Variants in CENPW observed in about 807,000 individuals in gnomAD.
CENPW encodes the protein centromere protein W, also known as cancer-up-regulated gene 2 protein.
A neutral mutation model predicts 11.1 loss-of-function variants in CENPW; 3 were observed. The ratio of observed to expected loss-of-function variants is 0.27; its 90% confidence interval spans 0.12 to 0.70. The LOEUF is 0.70. Among genes scored for constraint, CENPW ranks in the 30% least tolerant of loss-of-function variants. The pLI is 0.77. For missense variants in CENPW, 100 were observed against 105.6 expected (o/e 0.95, Z 0.23); for synonymous variants, 38 against 42.0 (o/e 0.91, Z 0.37).
the CENPW span, among the ~76,000 whole-genome samples, chr6:126,432,424 C>G: frequency 6.6e-6 from 1 of 152,214 alleles, no homozygotes; most frequent in African/African-American, 2.4e-5. Flanking sequence ...GCTACCCCCT[C>G]TCTAGGGGTA....
chr6:126,369,888 T>C, the CENPW span, among the ~76,000 whole-genome samples: 10 of 152,348 alleles, frequency 6.6e-5, no homozygotes, highest in East Asian at 1.9e-3. Flanking sequence ...TGTTATCTTC[T>C]AGAATTTTTA....
At chr6:126,363,889 G>A in the CENPW span, among the ~76,000 whole-genome samples, 1 of 152,172 alleles carries the variant, frequency 6.6e-6, no homozygotes, top group African/African-American at 2.4e-5. Flanking sequence ...TGAATTTAGT[G>A]TGCAGATAAC....
At chr6:126,369,538 G>A in the CENPW span, among the ~76,000 whole-genome samples, 5 of 152,302 alleles carry the variant, frequency 3.3e-5, no homozygotes, top group African/African-American at 9.6e-5. Context: ...TAGTGATGTT[G>A]AGCATTGTTT....
chr6:126,386,682 T>G, the CENPW span, among the ~76,000 whole-genome samples: 1,107 of 133,788 alleles, frequency 8.3e-3, 14 homozygotes, highest in African/African-American at 0.026. Flanking sequence ...AAATAATTTA[T>G]TTTTTTATTC....
At chr6:126,373,144 T>C in the CENPW span, among the ~76,000 whole-genome samples, 10 of 152,334 alleles carry the variant, frequency 6.6e-5, no homozygotes, top group African/African-American at 2.4e-4. Context: ...TGTAAATGAT[T>C]TTGTAACAAA....
At chr6:126,378,088 T>C in the CENPW span, among the ~76,000 whole-genome samples, 1 of 152,174 alleles carries the variant, frequency 6.6e-6, no homozygotes, top group Admixed American at 6.6e-5. Context: ...AGGGTCTGAG[T>C]ACTACAAATT....
At chr6:126,344,283 G>T (rs111357523) in intron 1 of CENPW, among the ~76,000 whole-genome samples, 1 of 152,194 alleles carries the variant, frequency 6.6e-6, no homozygotes, top group African/African-American at 2.4e-5. Flanking sequence ...ATTGGGGGAA[G>T]TTGGGCTTTT....
the CENPW span, among the ~76,000 whole-genome samples, chr6:126,360,326 C>A: frequency 6.6e-6 from 1 of 152,026 alleles, no homozygotes; most frequent in South Asian, 2.1e-4. Flanking sequence ...TTGTATGTGG[C>A]CTGACCTTTC....
At chr6:126,446,787 G>GT in the CENPW span, among the ~76,000 whole-genome samples, 3 of 151,196 alleles carry the variant, frequency 2.0e-5, no homozygotes, top group Non-Finnish European at 3.0e-5. Flanking sequence ...ATTGTACGTA[G>GT]TTTTTTCTCT....
chr6:126,357,664 A>G, the CENPW span, among the ~76,000 whole-genome samples: 1 of 150,864 alleles, frequency 6.6e-6, no homozygotes, highest in Non-Finnish European at 1.5e-5. Flanking sequence ...CCTGTAGTGC[A>G]GTGGTGCAAT....
the CENPW span, among the ~76,000 whole-genome samples, chr6:126,423,288 T>C: frequency 6.6e-6 from 1 of 152,120 alleles, no homozygotes; most frequent in Non-Finnish European, 1.5e-5. Context: ...CTTTTGAACT[T>C]GACTCTTTTC....
At chr6:126,360,906 G>T in the CENPW span, among the ~76,000 whole-genome samples, 1 of 133,204 alleles carries the variant, frequency 7.5e-6, no homozygotes, top group Non-Finnish European at 1.6e-5. Flanking sequence ...TGAATTCTGT[G>T]TGTGTCATTT....
At chr6:126,350,264 A>G (rs1350291237), downstream of CENPW, among the ~76,000 whole-genome samples, 2 of 152,176 alleles carry the variant, frequency 1.3e-5, no homozygotes, top group African/African-American at 4.8e-5. Flanking sequence ...ATGAAATACC[A>G]TGCACTGGAT....
the CENPW span, among the ~76,000 whole-genome samples, chr6:126,357,836 T>G: frequency 6.6e-6 from 1 of 152,254 alleles, no homozygotes; most frequent in East Asian, 1.9e-4. Flanking sequence ...CTTGAACTCC[T>G]GACCTCATGA....
At chr6:126,481,280 T>C in the CENPW span, among the ~76,000 whole-genome samples, 1 of 152,084 alleles carries the variant, frequency 6.6e-6, no homozygotes, top group African/African-American at 2.4e-5. Flanking sequence ...TAAGCAATTT[T>C]TTTTTTGGGG....
intron 1 of CENPW, among the ~76,000 whole-genome samples, chr6:126,341,233 A>G (rs1235078686): frequency 1.3e-5 from 2 of 152,226 alleles, no homozygotes; most frequent in Non-Finnish European, 1.5e-5. Context: ...CTCTAGGTTT[A>G]AACCACTGGA....
chr6:126,464,637 T>C, the CENPW span, among the ~76,000 whole-genome samples: 1 of 152,162 alleles, frequency 6.6e-6, no homozygotes, highest in Non-Finnish European at 1.5e-5. Flanking sequence ...CTTACACCAG[T>C]GGTTTACCAG....
chr6:126,371,987 GTTAATC>G, the CENPW span, among the ~76,000 whole-genome samples: 1 of 151,690 alleles, frequency 6.6e-6, no homozygotes, highest in African/African-American at 2.4e-5. Flanking sequence ...TCTTTTCTTG[GTTAATC>G]TCACAGTGGT....
the CENPW span, among the ~76,000 whole-genome samples, chr6:126,451,904 T>C: frequency 1.3e-5 from 2 of 151,090 alleles, no homozygotes; most frequent in Admixed American, 6.6e-5. Flanking sequence ...ATTCCTGAGC[T>C]CATCTTTGAG....
Sources: gnomAD v4.1 joint callset for allele counts (sites outside exome capture counted in the v4.1 genomes callset) on GRCh38, gnomAD v4.1.1 for gene constraint, MANE v1.5 for transcripts, NCBI Gene and HGNC (gene_info 2026-07-23, HGNC 2026-07-21) for gene names.